The following UBAP2L variants were observed in gnomAD, a reference collection of about 807,000 sequenced individuals.
UBAP2L encodes ubiquitin-associated protein 2-like.
Under a neutral mutation model 130.6 loss-of-function variants are expected in UBAP2L, and 12 were observed. That is an observed-to-expected ratio of 0.09 (90% CI 0.06 to 0.15). UBAP2L has a LOEUF of 0.15. Ranked by LOEUF, UBAP2L falls within the 10% of genes least tolerant of loss-of-function variation. The pLI, the probability that UBAP2L is intolerant of heterozygous loss-of-function variation, is 1.00. For missense variants in UBAP2L, 965 were observed against 1,332.5 expected, an observed-to-expected ratio of 0.72 and a Z score of 4.29; for synonymous variants, 503 against 524.7, an observed-to-expected ratio of 0.96 and a Z score of 0.57.
At chr1:154,269,241 C>T (rs1255849574) in intron 26 of UBAP2L, 54 of 1,050,330 alleles carry the variant, frequency 5.1e-5, no homozygotes, top group Admixed American at 2.1e-5. Context: ...TGGGTCACAC[C>T]TTCCCTCTTT....
intron 13 of UBAP2L, 61 bp from the exon 14 acceptor site, chr1:154,251,420 T>G: frequency 3.2e-6 from 5 of 1,579,960 alleles, no homozygotes; most frequent in Non-Finnish European, 3.4e-6. Context: ...GAAGGGTTTT[T>G]TTTAGTCTTT....
chr1:154,222,131 G>A (rs1666404035), intron 1 of UBAP2L, among the ~76,000 whole-genome samples: 1 of 152,118 alleles, frequency 6.6e-6, no homozygotes, highest in African/African-American at 2.4e-5. Context: ...GACTCTCCCT[G>A]ATTATTAAAT....
At chr1:154,228,544 C>A in intron 3 of UBAP2L, 71 bp from the exon 4 acceptor site, 2 of 1,175,026 alleles carry the variant, frequency 1.7e-6, no homozygotes, top group Non-Finnish European at 2.5e-6. Context: ...CGTTTCCCTT[C>A]ACCTAGTTTC....
Position 154,243,168 on chromosome 1 carries a change from G to T in UBAP2L, c.757-49G>T. On this transcript the variant is annotated intron_variant, in intron 9 of 26. Transcript: ENST00000428931. ...TTCCCCTTACCTATGCCAAGTTTCTGACTGTAGCATCCCTGACACCAAGAG... is the reference window on the plus strand; with the variant it reads ...TTCCCCTTACCTATGCCAAGTTTCTTACTGTAGCATCCCTGACACCAAGAG... The T allele has an allele frequency of 2.0e-6, 3 of 1,538,432 alleles. No homozygotes were observed. The South Asian group carries it at 3.4e-5, about 17-fold the overall frequency.
intron 24 of UBAP2L, chr1:154,263,379 G>T (rs1476495858): frequency 2.2e-6 from 3 of 1,336,580 alleles, no homozygotes; most frequent in Non-Finnish European, 2.9e-6. Flanking sequence ...AGTTCAAGCG[G>T]TGCAGCACCT....
intron 10 of UBAP2L, among the ~76,000 whole-genome samples, chr1:154,244,142 C>T (rs985798918): frequency 6.6e-6 from 1 of 152,056 alleles, no homozygotes; most frequent in Non-Finnish European, 1.5e-5. Flanking sequence ...CGCTGGAAAC[C>T]TCTTGGATTT....
intron 24 of UBAP2L, among the ~76,000 whole-genome samples, chr1:154,264,757 A>T (rs940727584): frequency 1.9e-4 from 28 of 146,846 alleles, no homozygotes; most frequent in Non-Finnish European, 2.9e-4. Flanking sequence ...TTATTTTTTT[A>T]TTTTTTTTTT....
chr1:154,252,844 C>T (rs1175823497), intron 14 of UBAP2L, among the ~76,000 whole-genome samples: 3 of 152,084 alleles, frequency 2.0e-5, no homozygotes, highest in African/African-American at 7.2e-5. Context: ...CAGGCGTGAG[C>T]CACCACACCC....
At chr1:154,251,759 T>A in intron 14 of UBAP2L, 106 bp downstream of exon 14, 15 of 1,274,748 alleles carry the variant, frequency 1.2e-5, no homozygotes, top group Non-Finnish European at 1.5e-5. Flanking sequence ...TCTGCATGGC[T>A]GAGGGGGAAA....
chr1:154,252,100 A>C (rs1007379150), intron 14 of UBAP2L, among the ~76,000 whole-genome samples: 1 of 151,788 alleles, frequency 6.6e-6, no homozygotes, highest in Non-Finnish European at 1.5e-5. Context: ...CAGCCTCCCG[A>C]GTAGCTGGGA....
chr1:154,234,111 A>G (rs1055416581), intron 4 of UBAP2L, among the ~76,000 whole-genome samples: 12 of 152,136 alleles, frequency 7.9e-5, no homozygotes, highest in Non-Finnish European at 1.8e-4. Flanking sequence ...CTGTAATCCC[A>G]GCACTTTAAG....
At chr1:154,249,560 C>T in intron 12 of UBAP2L, 123 bp downstream of exon 12, 1 of 1,126,448 alleles carries the variant, frequency 8.9e-7, no homozygotes, top group Non-Finnish European at 1.3e-6. Context: ...AGTTGGTTAC[C>T]TTCCCACATG....
At chr1:154,222,066 GAAA>G (rs1341496612) in intron 1 of UBAP2L, among the ~76,000 whole-genome samples, 2 of 152,198 alleles carry the variant, frequency 1.3e-5, no homozygotes, top group Non-Finnish European at 2.9e-5. Context: ...GTTGTGGAAA[GAAA>G]AACACCACAG....
intron 3 of UBAP2L, 138 bp from the exon 4 acceptor site, chr1:154,228,477 G>A: frequency 1.7e-6 from 1 of 600,358 alleles, no homozygotes. Flanking sequence ...GTGAGCCACT[G>A]TGCCCAGCCC....
chr1:154,220,662 A>T (rs1381675793), upstream of UBAP2L: 5 of 559,588 alleles, frequency 8.9e-6, no homozygotes, highest in African/African-American at 9.5e-5. Context: ...TCGAGCGCTC[A>T]GACGCGGAAC....
intron 26 of UBAP2L, chr1:154,269,422 T>C (rs1206766101): frequency 6.1e-6 from 8 of 1,308,104 alleles, no homozygotes; most frequent in East Asian, 5.5e-5. Context: ...GGTAATGAAA[T>C]TGAATGATCA....
chr1:154,221,672 T>A (rs1438937927), intron 1 of UBAP2L, among the ~76,000 whole-genome samples: 2 of 152,206 alleles, frequency 1.3e-5, no homozygotes, highest in African/African-American at 4.8e-5. Flanking sequence ...CCTCCACCCG[T>A]GGGCTTGCGT....
At chr1:154,250,115 G>C (rs1677022659) in intron 12 of UBAP2L, among the ~76,000 whole-genome samples, 2 of 152,164 alleles carry the variant, frequency 1.3e-5, no homozygotes, top group African/African-American at 4.8e-5. Context: ...ATCCAGACCG[G>C]AGTACAGTGG....
chr1:154,263,604 T>C (rs1682314999), intron 24 of UBAP2L: 1 of 771,146 alleles, frequency 1.3e-6, no homozygotes, highest in Non-Finnish European at 1.6e-6. Context: ...AACCCCAGCA[T>C]AGCCAAAGAA....
Sources: allele counts gnomAD v4.1 joint callset (sites outside exome capture counted in the v4.1 genomes callset), GRCh38; gene constraint gnomAD v4.1.1; transcripts MANE v1.5; gene names NCBI Gene and HGNC (gene_info 2026-07-23, HGNC 2026-07-21).